The following TYW1B variants were observed in gnomAD, a reference collection of about 807,000 sequenced individuals.
TYW1B encodes the protein S-adenosyl-L-methionine-dependent tRNA 4-demethylwyosine synthase TYW1B.
Under a neutral mutation model 86.9 loss-of-function variants are expected in TYW1B, and 73 were observed. The observed-to-expected ratio is 0.84, with a 90% CI of 0.70 to 1.02. The LOEUF (loss-of-function observed/expected upper bound fraction) is 1.02. TYW1B is among the 50% of genes least tolerant of loss of function. TYW1B has a pLI of 0.00. For missense variants in TYW1B, 637 were observed against 827.4 expected (o/e 0.77, Z 2.82); for synonymous variants, 248 against 292.8 (o/e 0.85, Z 1.56).
intron 11 of TYW1B, among the ~76,000 whole-genome samples, chr7:72,676,028 TA>T (rs1813728337): frequency 6.6e-6 from 1 of 152,184 alleles, no homozygotes; most frequent in Non-Finnish European, 1.5e-5. Flanking sequence ...GTAGCAGGAC[TA>T]ACTTCTGTGT....
intron 11 of TYW1B, among the ~76,000 whole-genome samples, chr7:72,647,450 T>G (rs1380952246): frequency 1.4e-4 from 21 of 152,210 alleles, no homozygotes; most frequent in African/African-American, 5.1e-4. Context: ...AAACTCAAGA[T>G]GATGACAAGA....
chr7:72,781,994 A>G (rs1232733121), intron 6 of TYW1B, among the ~76,000 whole-genome samples: 6 of 152,208 alleles, frequency 3.9e-5, no homozygotes, highest in Non-Finnish European at 7.3e-5. Context: ...TAAATATCAT[A>G]TAATACTGGT....
At chr7:72,580,195 C>T (rs1811120243) in intron 13 of TYW1B, among the ~76,000 whole-genome samples, 1 of 152,146 alleles carries the variant, frequency 6.6e-6, no homozygotes, top group South Asian at 2.1e-4. Context: ...CATGTGCCAC[C>T]TCTCAGGGCA....
chr7:72,817,603 T>A (rs1218142154), intron 2 of TYW1B, among the ~76,000 whole-genome samples: 2 of 151,582 alleles, frequency 1.3e-5, no homozygotes, highest in Non-Finnish European at 2.9e-5. Flanking sequence ...CAGTGGAGGG[T>A]CTTGACTAGG....
At chr7:72,664,431 T>C (rs1191221386) in intron 11 of TYW1B, among the ~76,000 whole-genome samples, 2 of 152,136 alleles carry the variant, frequency 1.3e-5, no homozygotes, top group African/African-American at 4.8e-5. Flanking sequence ...GCAAAGTACC[T>C]TGCAGACATA....
intron 7 of TYW1B, among the ~76,000 whole-genome samples, chr7:72,747,685 G>C (rs1348151950): frequency 1.3e-5 from 2 of 152,100 alleles, no homozygotes; most frequent in African/African-American, 4.8e-5. Flanking sequence ...TTCAAGTCTT[G>C]AGTAAGTTTG....
rs141737171 is a variant in TYW1B, at chr7:72,745,823, G to A, written c.965-1222C>T. On this transcript the variant is annotated intron_variant, in intron 7 of 13. Transcript: ENST00000620995. ...ACAAGCAGAAGGAAAGCAGAGACACGAATGAGTAGCCTTTACACGTGTATA... is the reference window on the plus strand; with the variant it reads ...ACAAGCAGAAGGAAAGCAGAGACACAAATGAGTAGCCTTTACACGTGTATA... 2.9e-4 allele frequency among the ~76,000 whole-genome samples: 43 copies of A among 149,240 alleles called. No individual in the cohort carries two copies. In the East Asian group the frequency reaches 3.9e-3, roughly 14 times the overall value.
At chr7:72,774,718 G>A (rs1563089942) in intron 7 of TYW1B, among the ~76,000 whole-genome samples, 1 of 152,012 alleles carries the variant, frequency 6.6e-6, no homozygotes, top group Admixed American at 6.6e-5. Context: ...GCAACAGAGT[G>A]AGACTCCGTC....
chr7:72,709,579 A>C (rs1314209259), intron 10 of TYW1B, among the ~76,000 whole-genome samples: 1 of 152,150 alleles, frequency 6.6e-6, no homozygotes, highest in African/African-American at 2.4e-5. Flanking sequence ...GAGGCAGGAG[A>C]ATCACTTGAA....
intron 13 of TYW1B, among the ~76,000 whole-genome samples, chr7:72,607,754 A>G (rs1811838649): frequency 2.0e-5 from 3 of 152,162 alleles, no homozygotes; most frequent in Admixed American, 1.3e-4. Flanking sequence ...AGATCTAAAA[A>G]GAGAAGAGAA....
At chr7:72,632,450 AATAT>A (rs1200656335) in intron 11 of TYW1B, among the ~76,000 whole-genome samples, 2 of 86,312 alleles carry the variant, frequency 2.3e-5, no homozygotes, top group African/African-American at 6.0e-5. Context: ...ATATATATAA[AATAT>A]ATATATACAT....
intron 10 of TYW1B, 99 bp downstream of exon 10, chr7:72,713,522 A>C (rs1358223987): frequency 1.6e-6 from 2 of 1,218,874 alleles, no homozygotes; most frequent in Non-Finnish European, 2.3e-6. Flanking sequence ...TGTAGTAAGT[A>C]ATCAATAAAT....
chr7:72,668,397 C>T (rs557190846), intron 11 of TYW1B, among the ~76,000 whole-genome samples: 1 of 152,304 alleles, frequency 6.6e-6, no homozygotes, highest in Admixed American at 6.5e-5. Context: ...ATTTAAACAG[C>T]CTTTTAAAAG....
At chr7:72,771,259 G>T (rs1450429937) in intron 7 of TYW1B, among the ~76,000 whole-genome samples, 1 of 152,102 alleles carries the variant, frequency 6.6e-6, no homozygotes, top group Non-Finnish European at 1.5e-5. Context: ...ACTGCATCTA[G>T]CCACTCATAT....
chr7:72,702,995 TA>T lies in TYW1B; in HGVS notation c.1371-8174del, dbSNP rs1814512364. ...TCATCTATCTATCTATCTATATATA[TA>T]TATATATATATATATATATATATAT... On this transcript the variant is annotated intron_variant, in intron 10 of 13. Coordinates refer to ENST00000620995, the MANE Select transcript of TYW1B (RefSeq NM_001145440.3). Among the ~76,000 whole-genome samples, 2 of 7,308 alleles carry T rather than the reference TA, an allele frequency of 2.7e-4. 1 individual carries two copies. The highest frequency in any genetic ancestry group is 9.5e-4 in the African/African-American group (2 of 2,106). The allele number at this position is 7,308 out of a possible 152,430, so 4.8% of individuals were successfully genotyped here.
intron 11 of TYW1B, among the ~76,000 whole-genome samples, chr7:72,651,096 A>C (rs1268672382): frequency 6.6e-6 from 1 of 152,230 alleles, no homozygotes; most frequent in African/African-American, 2.4e-5. Flanking sequence ...GGCTTACTAT[A>C]AAGCTATGCT....
chr7:72,788,530 G>GTTTGT (rs373868887), intron 6 of TYW1B, among the ~76,000 whole-genome samples: 3 of 151,864 alleles, frequency 2.0e-5, no homozygotes, highest in East Asian at 1.9e-4. Flanking sequence ...CCTTTGTTTT[G>GTTTGT]TTTGTTTTGT....
chr7:72,736,979 G>A (rs1787207073), intron 8 of TYW1B, among the ~76,000 whole-genome samples: 1 of 152,146 alleles, frequency 6.6e-6, no homozygotes, highest in African/African-American at 2.4e-5. Flanking sequence ...AGTGAGCCAA[G>A]ATCACACCAC....
At chr7:72,797,870 A>C (rs56236555) in intron 6 of TYW1B, among the ~76,000 whole-genome samples, 119,157 of 151,992 alleles carry the variant, frequency 0.78, 46,905 homozygotes, top group Middle Eastern at 0.8. Context: ...TGCCCTAAAC[A>C]TGTCCAGTCA....
Sources: allele counts gnomAD v4.1 joint callset (sites outside exome capture counted in the v4.1 genomes callset), GRCh38; gene constraint gnomAD v4.1.1; transcripts MANE v1.5; gene names NCBI Gene and HGNC (gene_info 2026-07-23, HGNC 2026-07-21).